The following GPHN variants were observed in gnomAD, a reference collection of about 807,000 sequenced individuals.
The protein encoded by GPHN is gephyrin.
GPHN carries 17 observed loss-of-function variants against 95.5 expected under a neutral mutation model. The ratio of observed to expected loss-of-function variants is 0.18; its 90% CI spans 0.12 to 0.27. GPHN has a LOEUF of 0.27. Among genes scored for constraint, GPHN ranks in the 10% least tolerant of loss-of-function variants. The pLI is 1.00. For synonymous variants in GPHN, 320 were observed against 322.5 expected (o/e 0.99, Z 0.08); for missense variants, 660 against 978.1 (o/e 0.67, Z 4.34).
the GPHN span, chr14:67,204,415 G>T: frequency 7.4e-7 from 1 of 1,343,028 alleles, no homozygotes; most frequent in Non-Finnish European, 9.7e-7. Flanking sequence ...GCACTCCAAC[G>T]TGGGCAACAG....
chr14:67,152,220 A>G (rs1252533597), intron 18 of GPHN, among the ~76,000 whole-genome samples: 1 of 152,234 alleles, frequency 6.6e-6, no homozygotes, highest in East Asian at 1.9e-4. Context: ...CGTGTATAGC[A>G]TAAGAATCTT....
the GPHN span, among the ~76,000 whole-genome samples, chr14:67,519,302 G>T: frequency 6.6e-6 from 1 of 152,166 alleles, no homozygotes; most frequent in Non-Finnish European, 1.5e-5. Flanking sequence ...CAGATGGCTC[G>T]CATATTTAAA....
the GPHN span, among the ~76,000 whole-genome samples, chr14:67,358,155 G>A: frequency 6.6e-6 from 1 of 152,128 alleles, no homozygotes; most frequent in Non-Finnish European, 1.5e-5. Flanking sequence ...ATTGCTAGAA[G>A]ATAAACTAGT....
chr14:67,516,402 G>T, the GPHN span, among the ~76,000 whole-genome samples: 1 of 152,156 alleles, frequency 6.6e-6, no homozygotes, highest in Non-Finnish European at 1.5e-5. Flanking sequence ...CTGGAGAGGG[G>T]GGGAAATGAG....
chr14:67,159,051 G>T (rs1441665436), intron 18 of GPHN, among the ~76,000 whole-genome samples: 1 of 152,164 alleles, frequency 6.6e-6, no homozygotes, highest in Non-Finnish European at 1.5e-5. Context: ...TATCTTAGAA[G>T]AGAAACAATA....
the GPHN span, chr14:67,208,121 T>A: frequency 6.4e-7 from 1 of 1,555,152 alleles, no homozygotes; most frequent in African/African-American, 1.4e-5. Context: ...AAATGGTGCC[T>A]GTATTCGATA....
At chr14:66,534,872 G>C (rs1334170451) in intron 1 of GPHN, among the ~76,000 whole-genome samples, 1 of 152,046 alleles carries the variant, frequency 6.6e-6, no homozygotes, top group Non-Finnish European at 1.5e-5. Context: ...AATTCCTTAT[G>C]TATTCTGAAT....
intron 5 of GPHN, among the ~76,000 whole-genome samples, chr14:66,889,205 G>A (rs1390877218): frequency 1.3e-5 from 2 of 152,108 alleles, no homozygotes; most frequent in South Asian, 2.1e-4. Flanking sequence ...CAAAAGGTAA[G>A]TAAAGAAATG....
chr14:67,308,930 A>G, the GPHN span, among the ~76,000 whole-genome samples: 1 of 152,110 alleles, frequency 6.6e-6, no homozygotes, highest in Non-Finnish European at 1.5e-5. Flanking sequence ...ATGTAAATAA[A>G]CTGATGAATC....
At chr14:66,864,155 G>T (rs574366105) in intron 4 of GPHN, among the ~76,000 whole-genome samples, 1 of 152,054 alleles carries the variant, frequency 6.6e-6, no homozygotes, top group Non-Finnish European at 1.5e-5. Context: ...ATGGGCAAAA[G>T]ATCTGAATAG....
Position 66,948,971 on chromosome 14 carries a change from A to G in GPHN, c.829-16220A>G, listed in dbSNP as rs190370208. The stretch of plus-strand genomic sequence containing the variant: ...GTTTTTTCTTTAATAAAACTTTGTA[A>G]CATTTAATTATAACCTCTGAAGGAT... On this transcript the variant is annotated intron_variant, in intron 8 of 22. Transcript: ENST00000478722. Among the ~76,000 whole-genome samples, 32 of 152,258 alleles carry G rather than the reference A, an allele frequency of 2.1e-4. No individual in the cohort carries two copies. In the East Asian group the frequency reaches 5.0e-3, roughly 24 times the overall value.
At chr14:66,834,683 C>T (rs57750268) in intron 4 of GPHN, among the ~76,000 whole-genome samples, 2 of 151,858 alleles carry the variant, frequency 1.3e-5, no homozygotes, top group African/African-American at 4.8e-5. Context: ...ATTTTTGCAT[C>T]AATGTTCATC....
chr14:66,645,035 G>A (rs868488376), intron 1 of GPHN, among the ~76,000 whole-genome samples: 3 of 152,024 alleles, frequency 2.0e-5, no homozygotes, highest in African/African-American at 7.2e-5. Flanking sequence ...TAATTCATGG[G>A]CCATCCTAAA....
At chr14:66,916,478 G>GTTT (rs112153181) in intron 6 of GPHN, among the ~76,000 whole-genome samples, 194 of 85,462 alleles carry the variant, frequency 2.3e-3, no homozygotes, top group African/African-American at 7.8e-3. Flanking sequence ...GATGTCCAGA[G>GTTT]TTTTTTTTTT....
the GPHN span, among the ~76,000 whole-genome samples, chr14:67,486,497 T>A: frequency 6.6e-6 from 1 of 152,174 alleles, no homozygotes; most frequent in Non-Finnish European, 1.5e-5. Flanking sequence ...ATGGTCTCAA[T>A]CTGTTGACCT....
chr14:67,644,778 C>T, the GPHN span, among the ~76,000 whole-genome samples: 1 of 152,120 alleles, frequency 6.6e-6, no homozygotes, highest in Non-Finnish European at 1.5e-5. Flanking sequence ...CCAGGTGGAT[C>T]ACTTGAGGTC....
intron 1 of GPHN, among the ~76,000 whole-genome samples, chr14:66,560,953 G>A (rs1320342810): frequency 6.6e-6 from 1 of 152,082 alleles, no homozygotes; most frequent in African/African-American, 2.4e-5. Flanking sequence ...TAGTATGAAA[G>A]GTTGTTGAAT....
intron 5 of GPHN, among the ~76,000 whole-genome samples, chr14:66,913,957 A>G (rs967545720): frequency 3.9e-5 from 6 of 152,184 alleles, no homozygotes; most frequent in Non-Finnish European, 7.4e-5. Context: ...TATAGATGAA[A>G]AAGTATGTCT....
intron 16 of GPHN, among the ~76,000 whole-genome samples, chr14:67,115,099 C>T (rs1220084302): frequency 4.6e-5 from 7 of 152,134 alleles, no homozygotes; most frequent in Non-Finnish European, 1.0e-4. Flanking sequence ...ATTATATTAT[C>T]TCTGGTTCCA....
Sources: allele counts gnomAD v4.1 joint callset (sites outside exome capture counted in the v4.1 genomes callset), GRCh38; gene constraint gnomAD v4.1.1; transcripts MANE v1.5; gene names NCBI Gene and HGNC (gene_info 2026-07-23, HGNC 2026-07-21).